VAV3: variants seen among roughly 807,000 people sequenced by gnomAD.
The protein encoded by VAV3 is guanine nucleotide exchange factor VAV3.
A neutral mutation model predicts 131.2 loss-of-function variants in VAV3; 94 were observed. That is an observed-to-expected ratio of 0.72 (90% CI 0.61 to 0.85). VAV3 has a LOEUF of 0.85. Ranked by LOEUF, VAV3 falls within the 40% of genes least tolerant of loss-of-function variation. VAV3 has a pLI of 0.00. For synonymous variants in VAV3, 349 were observed against 342.0 expected (o/e 1.02, Z -0.22); for missense variants, 939 against 1,002.7 (o/e 0.94, Z 0.86).
chr1:107,673,831 T>C (rs1015192997), intron 19 of VAV3, among the ~76,000 whole-genome samples: 76 of 152,166 alleles, frequency 5.0e-4, no homozygotes, highest in African/African-American at 1.7e-3. Flanking sequence ...GTAACAAAAG[T>C]ATACAGGGTG....
At chr1:107,767,897 C>A (rs1010183317) in intron 7 of VAV3, among the ~76,000 whole-genome samples, 1 of 151,912 alleles carries the variant, frequency 6.6e-6, no homozygotes, top group Non-Finnish European at 1.5e-5. Flanking sequence ...TAAATGTAAA[C>A]GAAAAATATC....
intron 15 of VAV3, among the ~76,000 whole-genome samples, chr1:107,727,618 A>T (rs925216815): frequency 1.1e-4 from 17 of 152,224 alleles, no homozygotes; most frequent in Non-Finnish European, 1.8e-4. Context: ...TTTCCCAATC[A>T]GTCAAGTATT....
At chr1:107,682,065 G>A (rs1263150645) in intron 19 of VAV3, among the ~76,000 whole-genome samples, 1 of 152,102 alleles carries the variant, frequency 6.6e-6, no homozygotes, top group African/African-American at 2.4e-5. Context: ...CAAAAAAACT[G>A]TACCTATACA....
At chr1:107,951,202 T>C (rs1448033464) in intron 1 of VAV3, among the ~76,000 whole-genome samples, 1 of 152,324 alleles carries the variant, frequency 6.6e-6, no homozygotes, top group East Asian at 1.9e-4. Flanking sequence ...CTACTCAGTT[T>C]TATTTCTCAA....
chr1:107,722,214 G>A (rs1445587581), intron 15 of VAV3, among the ~76,000 whole-genome samples: 1 of 152,092 alleles, frequency 6.6e-6, no homozygotes, highest in Non-Finnish European at 1.5e-5. Context: ...CTCTATTCCT[G>A]CCTTTCTGCT....
intron 4 of VAV3, among the ~76,000 whole-genome samples, chr1:107,773,438 G>A (rs1159392024): frequency 6.6e-6 from 1 of 152,174 alleles, no homozygotes; most frequent in East Asian, 1.9e-4. Context: ...GTTATAATCA[G>A]CATCTAATCC....
At chr1:107,839,573 G>C (rs955255645) in intron 2 of VAV3, among the ~76,000 whole-genome samples, 5 of 151,806 alleles carry the variant, frequency 3.3e-5, no homozygotes, top group African/African-American at 1.2e-4. Flanking sequence ...TATTAAACCA[G>C]AAAAAATATC....
chr1:107,838,792 T>C (rs1383343082), intron 2 of VAV3, among the ~76,000 whole-genome samples: 1 of 152,146 alleles, frequency 6.6e-6, no homozygotes, highest in African/African-American at 2.4e-5. Flanking sequence ...ATCATGTCCT[T>C]TGCAGCAGCA....
intron 12 of VAV3, among the ~76,000 whole-genome samples, chr1:107,753,528 G>GCACA (rs1663896079): frequency 1.4e-5 from 1 of 73,156 alleles, no homozygotes; most frequent in East Asian, 4.8e-4. Context: ...ATATATATAC[G>GCACA]TATATATATA....
chr1:107,827,391 A>C (rs1428571758), intron 2 of VAV3, among the ~76,000 whole-genome samples: 3 of 152,182 alleles, frequency 2.0e-5, no homozygotes, highest in Non-Finnish European at 4.4e-5. Context: ...CATCACACTC[A>C]TCAGGGTGTA....
At chr1:107,804,238 C>T (rs1420055565) in intron 2 of VAV3, among the ~76,000 whole-genome samples, 1 of 152,102 alleles carries the variant, frequency 6.6e-6, no homozygotes, top group African/African-American at 2.4e-5. Context: ...TGTTTATACT[C>T]AGTGCTATTA....
chr1:107,749,408 C>T (rs934567961), intron 14 of VAV3, 54 bp downstream of exon 14: 2 of 1,528,578 alleles, frequency 1.3e-6, no homozygotes, highest in African/African-American at 1.4e-5. Flanking sequence ...TCATACTTTT[C>T]CTTAATGTTC....
At chr1:107,963,573 T>A (rs1178131583) in intron 1 of VAV3, 1 of 152,162 alleles carries the variant, frequency 6.6e-6, no homozygotes, top group Non-Finnish European at 1.5e-5. Context: ...CAGATGACTG[T>A]GTGTGCTCTA....
At chr1:107,592,031 A>G (rs146864111) in intron 25 of VAV3, among the ~76,000 whole-genome samples, 41 of 151,414 alleles carry the variant, frequency 2.7e-4, no homozygotes, top group Non-Finnish European at 5.3e-4. Flanking sequence ...ATATGTTACT[A>G]TACACACACA....
chr1:107,610,080 T>A lies in VAV3; in HGVS notation c.1981-115A>T, dbSNP rs556507674. 62 of 829,368 alleles carry A rather than the reference T, an allele frequency of 7.5e-5. No individual in the cohort carries two copies. The African/African-American group carries it at 1.0e-3, about 13-fold the overall frequency. 51.4% of individuals were successfully genotyped at this position (829,368 alleles called of 1,614,324 possible). A position where few individuals can be genotyped will look rare whatever the true frequency, so the allele number is the denominator to read the frequency against. ...TATAAAACCCTAAGTGGCACAGTCC[T>A]GGAACTATCCATTGGTAATTTTATA... On this transcript the variant is annotated intron_variant, in intron 21 of 26. Coordinates refer to ENST00000370056, the MANE Select transcript of VAV3 (RefSeq NM_006113.5).
chr1:107,738,364 A>G (rs1440948723), intron 15 of VAV3, among the ~76,000 whole-genome samples: 1 of 152,236 alleles, frequency 6.6e-6, no homozygotes, highest in East Asian at 1.9e-4. Context: ...AAAAAAAAGA[A>G]AAGAAAAGAA....
chr1:107,578,773 C>G (rs970204781), intron 25 of VAV3: 4 of 983,422 alleles, frequency 4.1e-6, no homozygotes, highest in Non-Finnish European at 4.8e-6. Flanking sequence ...ATCCTTGTGT[C>G]TCTCTCTCTG....
chr1:107,710,674 C>T (rs925548659), intron 15 of VAV3, among the ~76,000 whole-genome samples: 11 of 152,120 alleles, frequency 7.2e-5, no homozygotes, highest in Non-Finnish European at 1.5e-4. Context: ...AATAAGCCTA[C>T]TACTTAAGTT....
intron 20 of VAV3, among the ~76,000 whole-genome samples, chr1:107,640,756 G>T (rs1655279302): frequency 6.6e-6 from 1 of 152,136 alleles, no homozygotes; most frequent in Non-Finnish European, 1.5e-5. Flanking sequence ...TAGAAAGTGA[G>T]CATAGACTAC....
Sources: gnomAD v4.1 joint callset for allele counts (sites outside exome capture counted in the v4.1 genomes callset) on GRCh38, gnomAD v4.1.1 for gene constraint, MANE v1.5 for transcripts, NCBI Gene and HGNC (gene_info 2026-07-23, HGNC 2026-07-21) for gene names.